Variants in ARHGAP21 observed in about 807,000 individuals in gnomAD.
ARHGAP21 encodes rho GTPase-activating protein 21.
A neutral mutation model predicts 164.6 loss-of-function variants in ARHGAP21; 38 were observed. That is an observed-to-expected ratio of 0.23 (90% CI 0.18 to 0.30). ARHGAP21 has a LOEUF of 0.30. ARHGAP21 is among the 10% of genes least tolerant of loss of function. ARHGAP21 has a pLI of 1.00. For missense variants in ARHGAP21, 1,822 were observed against 2,370.7 expected (o/e 0.77, Z 4.81); for synonymous variants, 766 against 857.9 (o/e 0.89, Z 1.87).
intron 19 of ARHGAP21, 90 bp downstream of exon 19, chr10:24,595,627 C>A: frequency 7.6e-7 from 1 of 1,323,254 alleles, no homozygotes; most frequent in Non-Finnish European, 1.1e-6. Flanking sequence ...TTGACCAAGA[C>A]ATTTTGTCCT....
intron 5 of ARHGAP21, among the ~76,000 whole-genome samples, chr10:24,634,543 C>A (rs1836180877): frequency 1.3e-5 from 2 of 152,226 alleles, no homozygotes; most frequent in South Asian, 2.1e-4. Flanking sequence ...CATATACTGA[C>A]ACCTTCAGAT....
At chr10:24,628,798 CATATATACAT>C (rs887666037) in intron 7 of ARHGAP21, among the ~76,000 whole-genome samples, 12 of 105,646 alleles carry the variant, frequency 1.1e-4, no homozygotes, top group African/African-American at 3.1e-4. Context: ...CATATATACA[CATATATACAT>C]ATATATACAT....
At chr10:24,680,359 T>C (rs887354249) in intron 2 of ARHGAP21, among the ~76,000 whole-genome samples, 7 of 152,240 alleles carry the variant, frequency 4.6e-5, no homozygotes, top group Non-Finnish European at 1.0e-4. Context: ...ATTTCTAATG[T>C]ATTATTATGA....
chr10:24,719,009 A>G (rs1156879685), intron 2 of ARHGAP21, among the ~76,000 whole-genome samples: 1 of 152,038 alleles, frequency 6.6e-6, no homozygotes, highest in African/African-American at 2.4e-5. Context: ...AGGGGTGATA[A>G]TATCATAGAG....
chr10:24,595,596 A>G (rs1468728524), intron 19 of ARHGAP21, 121 bp downstream of exon 19: 6 of 961,116 alleles, frequency 6.2e-6, no homozygotes, highest in African/African-American at 1.7e-5. Context: ...AGGGAGAACT[A>G]AATAAAGCCT....
intron 4 of ARHGAP21, 109 bp from the exon 5 acceptor site, chr10:24,635,212 T>A: frequency 1.6e-6 from 1 of 606,352 alleles, no homozygotes; most frequent in Non-Finnish European, 2.7e-6. Flanking sequence ...AATGAAATAT[T>A]AAATACATAT....
At chr10:24,628,184 G>A (rs1835329053) in intron 7 of ARHGAP21, among the ~76,000 whole-genome samples, 1 of 152,184 alleles carries the variant, frequency 6.6e-6, no homozygotes, top group African/African-American at 2.4e-5. Context: ...AATTGTCAGG[G>A]TAGGAACTCT....
chr10:24,654,145 T>C (rs956926755), intron 4 of ARHGAP21, among the ~76,000 whole-genome samples: 13 of 152,104 alleles, frequency 8.5e-5, no homozygotes, highest in Non-Finnish European at 1.5e-4. Flanking sequence ...TAAGAGCTAT[T>C]TATGACAAAC....
At chr10:24,622,358 T>C (rs1004572973) in intron 8 of ARHGAP21, among the ~76,000 whole-genome samples, 2 of 148,760 alleles carry the variant, frequency 1.3e-5, no homozygotes, top group Non-Finnish European at 3.0e-5. Context: ...ATTCGACAGC[T>C]TGCAAAGCTC....
intron 1 of ARHGAP21, 190 bp from the exon 2 acceptor site, chr10:24,722,469 GGTTGCGTC>G: frequency 1.3e-5 from 2 of 156,162 alleles, no homozygotes; most frequent in Admixed American, 6.1e-5. Context: ...ACTGCCCAGC[GGTTGCGTC>G]AAACACACCT....
chr10:24,628,916 C>CATATATATACATATATATACATATATAT (rs71397961), intron 7 of ARHGAP21: 2 of 99,618 alleles, frequency 2.0e-5, no homozygotes, highest in African/African-American at 8.1e-5. Flanking sequence ...CACATATATA[C>CATATATATACATATATATACATATATAT]ACATATATAT....
chr10:24,592,140 A>T, intron 21 of ARHGAP21, 128 bp from the exon 22 acceptor site: 1 of 899,828 alleles, frequency 1.1e-6, no homozygotes, highest in Non-Finnish European at 1.5e-6. Flanking sequence ...TTAAAAAAAT[A>T]ATGCTTTCTA....
intron 2 of ARHGAP21, among the ~76,000 whole-genome samples, chr10:24,721,502 G>A (rs964561567): frequency 2.0e-5 from 3 of 152,182 alleles, no homozygotes; most frequent in African/African-American, 7.2e-5. Context: ...CTCGGAAGGG[G>A]ACTGAAGGAA....
Position 24,584,939 on chromosome 10 carries a change from C to T in ARHGAP21, c.5350G>A (p.Gly1784Arg). Reference sequence around the variant, plus strand: ...GTCTCGGCATTCACTTTGTGATTCCCTACTCCAAACATGTCATCCGCAGGG... The same window carrying T: ...GTCTCGGCATTCACTTTGTGATTCCTTACTCCAAACATGTCATCCGCAGGG... ...RAPADDMFGV[G>R]NHKVNAETAK... The change falls in exon 26 of 26, where the codon GGG (glycine) becomes AGG (arginine). Residue 1784 changes from glycine (G) to arginine (R), a missense_variant. Transcript: ENST00000396432. 6.2e-7 allele frequency: 1 copy of T among 1,613,936 alleles called. No homozygotes were observed. Among genetic ancestry groups the T allele is most frequent in the Non-Finnish European group, 8.5e-7 (1 of 1,179,858 alleles).
intron 25 of ARHGAP21, among the ~76,000 whole-genome samples, chr10:24,587,477 G>T (rs941053246): frequency 1.9e-5 from 2 of 107,588 alleles, no homozygotes; most frequent in Non-Finnish European, 5.0e-5. Context: ...AATTTAGGCT[G>T]TTCTATCAAA....
intron 2 of ARHGAP21, among the ~76,000 whole-genome samples, chr10:24,678,786 G>A (rs1415294866): frequency 6.6e-6 from 1 of 152,132 alleles, no homozygotes; most frequent in Non-Finnish European, 1.5e-5. Flanking sequence ...TCCTGCCTTA[G>A]CCTCCCAAAT....
chr10:24,722,581 T>C (rs1056422666), intron 1 of ARHGAP21: 4 of 152,374 alleles, frequency 2.6e-5, no homozygotes, highest in African/African-American at 9.7e-5. Flanking sequence ...GTGCATGTTG[T>C]TTTCTGCATC....
At chr10:24,683,796 A>G (rs1841990992) in intron 2 of ARHGAP21, among the ~76,000 whole-genome samples, 3 of 152,194 alleles carry the variant, frequency 2.0e-5, no homozygotes, top group Non-Finnish European at 4.4e-5. Flanking sequence ...ACATGCACAC[A>G]TCTCACACAA....
At chr10:24,615,416 A>G (rs1163205411) in intron 9 of ARHGAP21, among the ~76,000 whole-genome samples, 1 of 152,212 alleles carries the variant, frequency 6.6e-6, no homozygotes, top group Non-Finnish European at 1.5e-5. Flanking sequence ...GAGAAGTCTT[A>G]GAGATATGAC....
Sources: allele counts gnomAD v4.1 joint callset (sites outside exome capture counted in the v4.1 genomes callset), GRCh38; gene constraint gnomAD v4.1.1; transcripts MANE v1.5; gene names NCBI Gene and HGNC (gene_info 2026-07-23, HGNC 2026-07-21).